Variants in CALN1 observed in about 807,000 individuals in gnomAD.
CALN1 encodes the protein calcium-binding protein 8.
CALN1 carries 17 observed loss-of-function variants against 30.6 expected under a neutral mutation model. The observed-to-expected ratio is 0.56, with a 90% CI of 0.38 to 0.83. The LOEUF (loss-of-function observed/expected upper bound fraction) is 0.83. CALN1 is among the 40% of genes least tolerant of loss of function. CALN1 has a pLI of 0.00. For synonymous variants in CALN1, 156 were observed against 131.4 expected (o/e 1.19, Z -1.28); for missense variants, 291 against 354.9 (o/e 0.82, Z 1.45).
chr7:71,825,154 C>T (rs1250258546), intron 5 of CALN1, among the ~76,000 whole-genome samples: 3 of 152,110 alleles, frequency 2.0e-5, no homozygotes, highest in African/African-American at 7.2e-5. Context: ...CACGGGGGTC[C>T]AGATGTGAAG....
chr7:72,245,754 C>A (rs975336696), intron 3 of CALN1, among the ~76,000 whole-genome samples: 1 of 152,194 alleles, frequency 6.6e-6, no homozygotes, highest in Admixed American at 6.5e-5. Flanking sequence ...CAGGTATCTG[C>A]GACTCCAAAG....
At chr7:72,035,021 A>G (rs920358181) in intron 4 of CALN1, among the ~76,000 whole-genome samples, 1 of 152,132 alleles carries the variant, frequency 6.6e-6, no homozygotes, top group Non-Finnish European at 1.5e-5. Context: ...AAAACTAATA[A>G]TAGCAATTTA....
chr7:72,153,280 A>G (rs369138164), intron 3 of CALN1, among the ~76,000 whole-genome samples: 6 of 152,276 alleles, frequency 3.9e-5, no homozygotes, highest in East Asian at 3.9e-4. Context: ...CCACTGTTCC[A>G]GTAGGAGAGA....
intron 3 of CALN1, among the ~76,000 whole-genome samples, chr7:72,248,659 C>G (rs757953695): frequency 1.6e-4 from 24 of 152,052 alleles, no homozygotes; most frequent in Non-Finnish European, 2.8e-4. Context: ...TCTCAACATC[C>G]TAATGTAGTC....
the CALN1 span, among the ~76,000 whole-genome samples, chr7:72,462,496 C>T: frequency 2.6e-5 from 4 of 152,178 alleles, no homozygotes; most frequent in African/African-American, 9.7e-5. Context: ...GTCCCTGTAT[C>T]TTTAGTCAAG....
chr7:72,154,608 A>AC (rs1202438030), intron 3 of CALN1, among the ~76,000 whole-genome samples: 1 of 152,118 alleles, frequency 6.6e-6, no homozygotes, highest in Non-Finnish European at 1.5e-5. Context: ...CCCTGATATA[A>AC]CCACAGAGGG....
chr7:72,146,707 G>A (rs1422406487), intron 3 of CALN1, among the ~76,000 whole-genome samples: 1 of 152,126 alleles, frequency 6.6e-6, no homozygotes, highest in African/African-American at 2.4e-5. Flanking sequence ...CACACTACCT[G>A]ACTTCAAACT....
At chr7:71,841,046 A>T (rs1452730608) in intron 5 of CALN1, among the ~76,000 whole-genome samples, 1 of 152,114 alleles carries the variant, frequency 6.6e-6, no homozygotes, top group Non-Finnish European at 1.5e-5. Context: ...CTTAGTGGAG[A>T]CGTTTTGCAA....
At chr7:72,257,682 TCGC>T (rs1796004304) in intron 3 of CALN1, among the ~76,000 whole-genome samples, 1 of 152,160 alleles carries the variant, frequency 6.6e-6, no homozygotes, top group Non-Finnish European at 1.5e-5. Flanking sequence ...GCAGCACAGT[TCGC>T]AACTGCAAAA....
At chr7:72,482,774 A>G in the CALN1 span, among the ~76,000 whole-genome samples, 1 of 152,152 alleles carries the variant, frequency 6.6e-6, no homozygotes, top group Non-Finnish European at 1.5e-5. Context: ...ATACATATAT[A>G]TACTTATGTA....
At chr7:71,882,114 G>A (rs1792607297) in intron 5 of CALN1, among the ~76,000 whole-genome samples, 1 of 152,126 alleles carries the variant, frequency 6.6e-6, no homozygotes, top group South Asian at 2.1e-4. Context: ...GGCATCAGCA[G>A]GATCACGTTC....
chr7:72,453,003 G>A, the CALN1 span, among the ~76,000 whole-genome samples: 1 of 152,198 alleles, frequency 6.6e-6, no homozygotes, highest in African/African-American at 2.4e-5. Flanking sequence ...AAGCAGCAGA[G>A]AGTTGGCTCA....
chr7:72,177,091 G>A (rs546174499), intron 3 of CALN1, among the ~76,000 whole-genome samples: 3 of 152,270 alleles, frequency 2.0e-5, no homozygotes, highest in East Asian at 1.9e-4. Context: ...GGCGGGATGC[G>A]TGGGTGTAAT....
intron 3 of CALN1, among the ~76,000 whole-genome samples, chr7:72,207,623 T>C (rs1791987662): frequency 7.2e-6 from 1 of 138,678 alleles, no homozygotes; most frequent in African/African-American, 2.8e-5. Context: ...TCCCGCTTAC[T>C]TTCTTATATG....
intron 1 of CALN1, among the ~76,000 whole-genome samples, chr7:72,436,187 C>T (rs1048410720): frequency 1.3e-5 from 2 of 152,210 alleles, no homozygotes; most frequent in Non-Finnish European, 2.9e-5. Context: ...TGTGTCCCCA[C>T]CCAAGTCTCA....
At chr7:72,127,076 CCATTCCATCCAGCAAT>C (rs1414030204) in intron 3 of CALN1, among the ~76,000 whole-genome samples, 1 of 151,744 alleles carries the variant, frequency 6.6e-6, no homozygotes, top group Admixed American at 6.6e-5. Flanking sequence ...TTAAGTGGTA[CCATTCCATCCAGCAAT>C]CATTCCATCC....
chr7:72,317,085 AGAG>A (rs1562878815), intron 2 of CALN1, among the ~76,000 whole-genome samples: 17 of 35,650 alleles, frequency 4.8e-4, no homozygotes, highest in African/African-American at 2.6e-3. Flanking sequence ...ACAGAAAGAG[AGAG>A]AGAGAGGGAG....
chr7:72,467,721 T>A, the CALN1 span, among the ~76,000 whole-genome samples: 1 of 152,320 alleles, frequency 6.6e-6, no homozygotes, highest in South Asian at 2.1e-4. Flanking sequence ...TGGATCTTTT[T>A]AAAAAATATA....
At chr7:72,150,716 C>A (rs1345452164) in intron 3 of CALN1, among the ~76,000 whole-genome samples, 1 of 152,188 alleles carries the variant, frequency 6.6e-6, no homozygotes, top group East Asian at 1.9e-4. Context: ...TACTCTTGGG[C>A]AAGTTTCTTC....
Sources: allele counts gnomAD v4.1 joint callset (sites outside exome capture counted in the v4.1 genomes callset), GRCh38; gene constraint gnomAD v4.1.1; transcripts MANE v1.5; gene names NCBI Gene and HGNC (gene_info 2026-07-23, HGNC 2026-07-21).